Variants in CECR2 observed in about 807,000 individuals in gnomAD.
CECR2 encodes the protein CECR2 histone acetyl-lysine reader.
In CECR2, 30 loss-of-function variants were observed where a neutral mutation model predicts 154.5. That is an observed-to-expected ratio of 0.19 (90% CI 0.15 to 0.26). The LOEUF (loss-of-function observed/expected upper bound fraction) is 0.26, where lower values mean the gene tolerates loss of function less well. CECR2 is among the 10% of genes least tolerant of loss of function. CECR2 has a pLI of 1.00. For synonymous variants in CECR2, 725 were observed against 683.7 expected (o/e 1.06, Z -0.94); for missense variants, 1,743 against 1,829.3 (o/e 0.95, Z 0.86).
At chr22:17,440,620 G>A (rs962703695) in intron 1 of CECR2, among the ~76,000 whole-genome samples, 7 of 152,058 alleles carry the variant, frequency 4.6e-5, no homozygotes, top group African/African-American at 1.7e-4. Flanking sequence ...TTGATTTATT[G>A]ATCTGATATC....
chr22:17,474,516 G>A (rs1467968628), intron 1 of CECR2, among the ~76,000 whole-genome samples: 1 of 152,120 alleles, frequency 6.6e-6, no homozygotes, highest in Non-Finnish European at 1.5e-5. Flanking sequence ...ACTTTCTATT[G>A]TGTTAGAAGA....
rs2056666327 is a variant in CECR2, at chr22:17,549,219, C to T, written c.3932C>T (p.Ser1311Leu). Residue 1311 changes from serine (S) to leucine (L), a missense_variant, in exon 17 of 19, where the codon TCG becomes TTG. By Grantham distance (145) the Ser-to-Leu change is moderately radical. Around this residue, in one of 4 missense-constraint regions of CECR2, gnomAD observed 1,250 missense variants for 1,192.1 expected, o/e 1.05. Coordinates refer to ENST00000262608, the MANE Select transcript of CECR2 (RefSeq NM_001290047.2). ...AACGCAGCTACCAAGCGGCAGAGCT[C>T]GTTGTCAGCCAGCGAGTATCTCTAT... The part of the protein sequence containing the change: ...NHNAATKRQS[S>L]LSASEYLYGT... 3 of 1,613,902 alleles carry T rather than the reference C, an allele frequency of 1.9e-6. No individual in the cohort carries two copies. Among genetic ancestry groups the T allele is most frequent in the South Asian group, 1.1e-5 (1 of 91,088 alleles).
chr22:17,535,813 A>G (rs7285101), intron 9 of CECR2, among the ~76,000 whole-genome samples: 1 of 151,994 alleles, frequency 6.6e-6, no homozygotes, highest in Non-Finnish European at 1.5e-5. Flanking sequence ...TAAAGGAGAT[A>G]TAGATTAGCA....
At chr22:17,414,436 TCTCA>T (rs1344661333) in intron 1 of CECR2, among the ~76,000 whole-genome samples, 5 of 151,504 alleles carry the variant, frequency 3.3e-5, no homozygotes, top group African/African-American at 4.9e-5. Context: ...TTTGTAATTT[TCTCA>T]CTCAGTTTCT....
chr22:17,518,399 G>C (rs958122159), intron 8 of CECR2, among the ~76,000 whole-genome samples: 1 of 152,142 alleles, frequency 6.6e-6, no homozygotes, highest in Non-Finnish European at 1.5e-5. Context: ...ACAGGAAAAG[G>C]TCTTCTCCCT....
rs752779049 is a variant in CECR2 at position 17,548,899 on chromosome 22, C to A, written c.3612C>A (p.Ala1204=). Reference sequence around the variant, plus strand: ...ACTATCAGCGAACTCCTTACTATGCCTGTCCACAGAGCTTTTCTGACTGGC... The same window carrying A: ...ACTATCAGCGAACTCCTTACTATGCATGTCCACAGAGCTTTTCTGACTGGC... ...YHHYQRTPYY[A]CPQSFSDWQR... The change falls in exon 17 of 19, where the codon GCC becomes GCA. Residue 1204 remains alanine, a synonymous_variant. Coordinates refer to ENST00000262608, the MANE Select transcript of CECR2 (RefSeq NM_001290047.2). 5 of 1,613,444 alleles carry A rather than the reference C, an allele frequency of 3.1e-6. No homozygotes were observed. The highest frequency in any genetic ancestry group is 4.2e-6 in the Non-Finnish European group (5 of 1,179,562).
intron 1 of CECR2, among the ~76,000 whole-genome samples, chr22:17,378,036 T>G (rs535759046): frequency 6.6e-6 from 1 of 151,786 alleles, no homozygotes; most frequent in African/African-American, 2.4e-5. Context: ...CAGGCTGGAG[T>G]GCAGTGGCGC....
At chr22:17,412,477 A>G (rs1358706419) in intron 1 of CECR2, among the ~76,000 whole-genome samples, 1 of 152,162 alleles carries the variant, frequency 6.6e-6, no homozygotes, top group Non-Finnish European at 1.5e-5. Context: ...TTAGGGCTAA[A>G]GAGGCCTTTG....
intron 1 of CECR2, among the ~76,000 whole-genome samples, chr22:17,385,768 T>C (rs756665173): frequency 1.3e-5 from 2 of 152,142 alleles, no homozygotes; most frequent in Non-Finnish European, 2.9e-5. Flanking sequence ...AGAAATGCAA[T>C]ATCTGCACGT....
chr22:17,552,787 T>TTTTTTTTTTTTTA, intron 18 of CECR2, 48 bp from the exon 19 acceptor site: 1 of 1,391,200 alleles, frequency 7.2e-7, no homozygotes, highest in Non-Finnish European at 9.7e-7. Context: ...TTTTTTTTTT[T>TTTTTTTTTTTTTA]AACAACCCAA....
chr22:17,386,470 G>T (rs1261961460), intron 1 of CECR2, among the ~76,000 whole-genome samples: 1 of 152,104 alleles, frequency 6.6e-6, no homozygotes, highest in Non-Finnish European at 1.5e-5. Context: ...CAGTTGTAGG[G>T]CCCCCTTTCT....
At chr22:17,529,753 A>G (rs1446623671) in intron 9 of CECR2, among the ~76,000 whole-genome samples, 2 of 152,050 alleles carry the variant, frequency 1.3e-5, no homozygotes, top group Admixed American at 1.3e-4. Flanking sequence ...TCTGACACAC[A>G]TTTAAAGTCA....
intron 2 of CECR2, among the ~76,000 whole-genome samples, chr22:17,494,616 T>C (rs1204996803): frequency 6.6e-6 from 1 of 152,244 alleles, no homozygotes; most frequent in African/African-American, 2.4e-5. Flanking sequence ...AAAGCTGCCA[T>C]ACTCATGTTT....
chr22:17,425,357 G>A (rs1004439104), intron 1 of CECR2, among the ~76,000 whole-genome samples: 3 of 152,066 alleles, frequency 2.0e-5, no homozygotes, highest in African/African-American at 7.2e-5. Context: ...ACTGCCTTCT[G>A]TTCTGGACCT....
intron 9 of CECR2, among the ~76,000 whole-genome samples, chr22:17,526,475 A>G (rs940304841): frequency 6.6e-6 from 1 of 152,196 alleles, no homozygotes; most frequent in Non-Finnish European, 1.5e-5. Context: ...CTAGACCCCT[A>G]TCTCCTGCCA....
intron 1 of CECR2, among the ~76,000 whole-genome samples, chr22:17,435,289 G>A (rs532785746): frequency 1.2e-4 from 19 of 152,140 alleles, no homozygotes; most frequent in Admixed American, 2.6e-4. Flanking sequence ...CTACCAGTTT[G>A]CAATTTCTTA....
At chr22:17,537,615 C>CA (rs1175142280) in intron 10 of CECR2, among the ~76,000 whole-genome samples, 3 of 152,232 alleles carry the variant, frequency 2.0e-5, no homozygotes, top group Non-Finnish European at 4.4e-5. Flanking sequence ...GGCAGATACA[C>CA]ATTCAGTGTT....
chr22:17,398,505 A>G (rs2053846703), intron 1 of CECR2, among the ~76,000 whole-genome samples: 2 of 152,206 alleles, frequency 1.3e-5, no homozygotes, highest in African/African-American at 4.8e-5. Flanking sequence ...CTGGGAGAAA[A>G]TAACAGGAAA....
intron 8 of CECR2, among the ~76,000 whole-genome samples, chr22:17,521,439 C>T (rs2056155338): frequency 6.6e-6 from 1 of 151,724 alleles, no homozygotes; most frequent in Non-Finnish European, 1.5e-5. Context: ...ACTCAGGAGG[C>T]TGACGCAGGA....
Sources: gnomAD v4.1 joint callset for allele counts (sites outside exome capture counted in the v4.1 genomes callset) on GRCh38, gnomAD v4.1.1 for gene constraint, gnomAD v4.1.1 regional missense constraint, MANE v1.5 for transcripts, NCBI Gene and HGNC (gene_info 2026-07-23, HGNC 2026-07-21) for gene names.